SESN1: variants seen among roughly 807,000 people sequenced by gnomAD.
SESN1 encodes the protein sestrin-1.
SESN1 carries 30 observed loss-of-function variants against 59.3 expected under a neutral mutation model. The ratio of observed to expected loss-of-function variants is 0.51; its 90% CI spans 0.38 to 0.69. The LOEUF (loss-of-function observed/expected upper bound fraction) is 0.69, where lower values mean the gene tolerates loss of function less well. Ranked by LOEUF, SESN1 falls within the 30% of genes least tolerant of loss-of-function variation. The pLI is 0.00. For missense variants in SESN1, 566 were observed against 673.0 expected, an observed-to-expected ratio of 0.84 and a Z score of 1.76; for synonymous variants, 197 against 219.9, an observed-to-expected ratio of 0.90 and a Z score of 0.92.
intron 1 of SESN1, among the ~76,000 whole-genome samples, chr6:109,085,388 G>A (rs1340585091): frequency 5.3e-5 from 8 of 152,024 alleles, no homozygotes; most frequent in South Asian, 2.1e-4. Context: ...GTCTGGTGGC[G>A]GGCACCTGTA....
At chr6:109,002,603 A>G (rs977925325) in intron 1 of SESN1, among the ~76,000 whole-genome samples, 4 of 152,226 alleles carry the variant, frequency 2.6e-5, no homozygotes, top group African/African-American at 9.6e-5. Flanking sequence ...CAGAAAGTCT[A>G]GAACAGAAAG....
chr6:109,025,154 A>G (rs1780071127), intron 1 of SESN1, among the ~76,000 whole-genome samples: 1 of 152,156 alleles, frequency 6.6e-6, no homozygotes, highest in Non-Finnish European at 1.5e-5. Flanking sequence ...CAAAGCATGA[A>G]CAAGGAAAAA....
intron 1 of SESN1, among the ~76,000 whole-genome samples, chr6:109,061,440 T>C (rs377049805): frequency 6.6e-6 from 1 of 152,246 alleles, no homozygotes; most frequent in East Asian, 1.9e-4. Context: ...TTAAAGGGGA[T>C]GTATCAGAAT....
At chr6:109,039,772 G>A (rs1780310531) in intron 1 of SESN1, among the ~76,000 whole-genome samples, 1 of 152,190 alleles carries the variant, frequency 6.6e-6, no homozygotes, top group South Asian at 2.1e-4. Flanking sequence ...TACCAATTCA[G>A]TTTTTTAAGA....
At chr6:108,999,136 G>C (rs1411757388) in intron 4 of SESN1, 1 of 161,290 alleles carries the variant, frequency 6.2e-6, no homozygotes. Flanking sequence ...GCTGCTGTGT[G>C]AAACGCCTGT....
intron 1 of SESN1, among the ~76,000 whole-genome samples, chr6:109,008,020 G>C (rs755223842): frequency 1.3e-5 from 2 of 152,080 alleles, no homozygotes; most frequent in Non-Finnish European, 2.9e-5. Flanking sequence ...TCCTTCCTAA[G>C]TTATCTTCTC....
intron 7 of SESN1, among the ~76,000 whole-genome samples, chr6:108,991,655 C>T (rs1490156144): frequency 6.6e-6 from 1 of 152,180 alleles, no homozygotes; most frequent in African/African-American, 2.4e-5. Context: ...TATATTAAAT[C>T]TCCTTGCCTC....
At chr6:109,042,647 T>C (rs1282823928) in intron 1 of SESN1, among the ~76,000 whole-genome samples, 3 of 151,904 alleles carry the variant, frequency 2.0e-5, no homozygotes, top group African/African-American at 7.2e-5. Flanking sequence ...CATAACTCCA[T>C]AACTCACCTA....
chr6:109,091,427 G>C (rs1288688554), intron 1 of SESN1, among the ~76,000 whole-genome samples: 1 of 152,126 alleles, frequency 6.6e-6, no homozygotes, highest in African/African-American at 2.4e-5. Context: ...ATCGCAGCCA[G>C]GTCTGCCAAA....
At chr6:109,067,167 A>C (rs530056013) in intron 1 of SESN1, among the ~76,000 whole-genome samples, 27 of 152,178 alleles carry the variant, frequency 1.8e-4, no homozygotes, top group Non-Finnish European at 3.5e-4. Context: ...CTGTTCAACA[A>C]AACAGCTTGA....
intron 1 of SESN1, among the ~76,000 whole-genome samples, chr6:109,081,261 T>C (rs1326346335): frequency 2.0e-5 from 3 of 152,100 alleles, no homozygotes; most frequent in Admixed American, 2.0e-4. Flanking sequence ...TTGTATTTTT[T>C]GTAGAGATGA....
At chr6:109,011,026 C>G (rs1365111396) in intron 1 of SESN1, among the ~76,000 whole-genome samples, 1 of 151,932 alleles carries the variant, frequency 6.6e-6, no homozygotes, top group African/African-American at 2.4e-5. Flanking sequence ...AATGATGACT[C>G]TGGTTCTAGA....
In SESN1 at chr6:109,093,958, A is replaced by G. The variant is rs1781403986; in HGVS notation, c.116T>C (p.Leu39Pro). The change falls in exon 1 of 10, where the codon CTT (leucine) becomes CCT (proline). Residue 39 changes from leucine to proline, a missense_variant. By Grantham distance (98) the Leu-to-Pro change is moderately conservative. Coordinates refer to ENST00000436639, the MANE Select transcript of SESN1 (RefSeq NM_014454.3). The stretch of plus-strand genomic sequence containing the variant: ...ATGAGGTGTTTCTTTCACCGAACGA[A>G]GATACTCGGTTTTCCTCAAAATGGT... ...RQTILRKTEY[L>P]RSVKETPHRP... The G allele has an allele frequency of 6.2e-7, 1 of 1,614,208 alleles. No individual in the cohort carries two copies. The highest frequency in any genetic ancestry group is 1.1e-5 in the South Asian group (1 of 91,080).
intron 1 of SESN1, 101 bp downstream of exon 1, chr6:109,093,694 G>T: frequency 8.3e-7 from 1 of 1,210,982 alleles, no homozygotes; most frequent in Non-Finnish European, 1.2e-6. Flanking sequence ...CATAATAAAA[G>T]TTTACATAAC....
intron 1 of SESN1, among the ~76,000 whole-genome samples, chr6:109,075,829 G>A (rs1317366166): frequency 6.6e-6 from 1 of 152,098 alleles, no homozygotes; most frequent in Non-Finnish European, 1.5e-5. Flanking sequence ...AACTAATTCA[G>A]TTGTTAAAAA....
chr6:109,029,939 A>G (rs1472912200), intron 1 of SESN1, among the ~76,000 whole-genome samples: 2 of 152,212 alleles, frequency 1.3e-5, no homozygotes, highest in Non-Finnish European at 2.9e-5. Flanking sequence ...AGAACTCCTC[A>G]GTAAGGTTCT....
chr6:109,068,699 T>C (rs1479887514), intron 1 of SESN1, among the ~76,000 whole-genome samples: 2 of 149,808 alleles, frequency 1.3e-5, no homozygotes, highest in African/African-American at 2.4e-5. Context: ...TATTCTGACA[T>C]ACACCAGTGA....
chr6:108,999,490 TTTACTC>T (rs979936878), intron 4 of SESN1, among the ~76,000 whole-genome samples: 1 of 152,166 alleles, frequency 6.6e-6, no homozygotes, highest in Non-Finnish European at 1.5e-5. Context: ...TCAATCTACT[TTTACTC>T]TATTATCTCT....
In SESN1 at chr6:109,059,096, TAC is replaced by T. The variant is rs373238799; in HGVS notation, c.279+34697_279+34698del. On this transcript the variant is annotated intron_variant, in intron 1 of 9. Coordinates refer to ENST00000436639, the MANE Select transcript of SESN1 (RefSeq NM_014454.3). ...ATGTAACTCCATATATATCACTTCATACACACACACACACACACACATAATTT... is the reference window on the plus strand; with the variant it reads ...ATGTAACTCCATATATATCACTTCATACACACACACACACACACATAATTT... Among the ~76,000 whole-genome samples, 467 of 149,604 alleles carry T rather than the reference TAC, an allele frequency of 3.1e-3. 4 individuals carry two copies. The highest frequency in any genetic ancestry group is 5.2e-3 in the Non-Finnish European group (349 of 67,136).
Sources: gnomAD v4.1 joint callset for allele counts (sites outside exome capture counted in the v4.1 genomes callset) on GRCh38, gnomAD v4.1.1 for gene constraint, MANE v1.5 for transcripts, NCBI Gene and HGNC (gene_info 2026-07-23, HGNC 2026-07-21) for gene names.